GTPBP1: variants seen among roughly 807,000 people sequenced by gnomAD.
GTPBP1 encodes GTP binding protein 1.
Under a neutral mutation model 62.0 loss-of-function variants are expected in GTPBP1, and 23 were observed. The ratio of observed to expected loss-of-function variants is 0.37; its 90% confidence interval spans 0.27 to 0.53. The LOEUF (loss-of-function observed/expected upper bound fraction) is 0.53. Ranked by LOEUF, GTPBP1 falls within the 20% of genes least tolerant of loss-of-function variation. The probability of loss-of-function intolerance (pLI) is 0.89; values close to 1 mark genes in which losing one functional copy is unlikely to be tolerated. For missense variants in GTPBP1, 640 were observed against 917.3 expected (o/e 0.70, Z 3.90); for synonymous variants, 344 against 364.4 (o/e 0.94, Z 0.64).
At chr22:38,739,036 C>A, downstream of GTPBP1, 2 of 1,549,322 alleles carry the variant, frequency 1.3e-6, no homozygotes, top group Non-Finnish European at 1.8e-6. This position sits in a 1 kb window ranked among gnomAD's most constrained non-coding sequence, Gnocchi z 6.7. Context: ...GGGAGGAGGG[C>A]CCCGCTCAGG....
At chr22:38,740,918 CT>C, downstream of GTPBP1, 2 of 1,378,460 alleles carry the variant, frequency 1.5e-6, no homozygotes, top group South Asian at 2.5e-5. This position sits in a 1 kb window ranked among gnomAD's most constrained non-coding sequence, Gnocchi z 4.8. Context: ...TCAGAACTCT[CT>C]GCTCTGCGGC....
intron 2 of GTPBP1, among the ~76,000 whole-genome samples, chr22:38,712,722 C>T (rs866144555): frequency 2.0e-5 from 3 of 151,962 alleles, no homozygotes; most frequent in South Asian, 2.1e-4. Flanking sequence ...GACAAGGTGA[C>T]GTTGGTGATA....
intron 10 of GTPBP1, 94 bp from the exon 11 acceptor site, chr22:38,729,368 G>C: frequency 1.1e-6 from 1 of 879,310 alleles, no homozygotes; most frequent in Admixed American, 3.0e-5. Context: ...GGAATGAGGA[G>C]TCTGTGGGAG....
At chr22:38,739,374 A>G, downstream of GTPBP1, 1 of 1,613,124 alleles carries the variant, frequency 6.2e-7, no homozygotes. This position sits in a 1 kb window ranked among gnomAD's most constrained non-coding sequence, Gnocchi z 6.7. Flanking sequence ...TGCCAGCCCG[A>G]TGCGGTCCTC....
intron 4 of GTPBP1, among the ~76,000 whole-genome samples, chr22:38,721,165 C>T (rs1357539641): frequency 6.6e-6 from 1 of 152,188 alleles, no homozygotes; most frequent in African/African-American, 2.4e-5. Flanking sequence ...CCACAACCTC[C>T]ACCTCCCAGA....
At chr22:38,736,436 A>G, downstream of GTPBP1, 2 of 1,455,724 alleles carry the variant, frequency 1.4e-6, no homozygotes. Context: ...CCTCACTGAC[A>G]GAGAAGGTGG....
downstream of GTPBP1, chr22:38,738,547 C>A: frequency 1.9e-6 from 3 of 1,595,222 alleles, no homozygotes; most frequent in Non-Finnish European, 2.6e-6. This position sits in a 1 kb window ranked among gnomAD's most constrained non-coding sequence, Gnocchi z 6.6. Context: ...ACAGGATCCC[C>A]CTGCAGCCCC....
In GTPBP1 at chr22:38,716,194, G is replaced by A; in HGVS notation, c.485+107G>A. The stretch of plus-strand genomic sequence containing the variant: ...TCCATCCTTTCCCCTCCTGAGGCGG[G>A]GAAAGAGTGTCCAGGTGTCTGGAGA... On this transcript the variant is annotated intron_variant, in intron 3 of 11. Coordinates refer to ENST00000216044, the MANE Select transcript of GTPBP1 (RefSeq NM_004286.5). This position sits in a 1 kb window ranked among gnomAD's most constrained non-coding sequence, Gnocchi z 5.2. 2.2e-6 allele frequency: 2 copies of A among 909,976 alleles called. No individual in the cohort carries two copies. The highest frequency in any genetic ancestry group is 1.7e-6 in the Non-Finnish European group (1 of 580,052). 56.4% of individuals were successfully genotyped at this position (909,976 alleles called of 1,614,324 possible).
Position 38,727,377 on chromosome 22 carries a change from G to A in GTPBP1, c.1537+29G>A, listed in dbSNP as rs950303152. 2 of 1,509,730 alleles carry A rather than the reference G, an allele frequency of 1.3e-6. No individual in the cohort carries two copies. Among genetic ancestry groups the A allele is most frequent in the Non-Finnish European group, 1.8e-6 (2 of 1,125,318 alleles). The allele number at this position is 1,509,730 out of a possible 1,614,324, so 93.5% of individuals were successfully genotyped here. On this transcript the variant is annotated intron_variant, in intron 9 of 11. Transcript: ENST00000216044. The surrounding 1 kb of genome is among the most constrained non-coding windows in gnomAD (Gnocchi z 6.5). The stretch of plus-strand genomic sequence containing the variant: ...GGTGTCTAAGGCCCTGCCAGCCCAG[G>A]AGGCCGTCGTGTTAGCTCCCCTCAG...
At chr22:38,725,686 T>G in intron 6 of GTPBP1, 1 of 296,842 alleles carries the variant, frequency 3.4e-6, no homozygotes, top group African/African-American at 2.1e-5. Context: ...GGTTAAGGAT[T>G]TTAAGCAAGC....
intron 5 of GTPBP1, chr22:38,722,988 A>G: frequency 2.4e-6 from 2 of 837,826 alleles, no homozygotes; most frequent in Admixed American, 1.7e-5. Context: ...ACCTTCTAAC[A>G]GCACACCGTA....
intron 4 of GTPBP1, among the ~76,000 whole-genome samples, chr22:38,720,534 A>G (rs1731677219): frequency 6.6e-6 from 1 of 151,684 alleles, no homozygotes; most frequent in South Asian, 2.1e-4. Flanking sequence ...ATAGCTGAAC[A>G]CTCACCTCTT....
At chr22:38,740,186 G>A (rs528435481), downstream of GTPBP1, 10 of 1,438,140 alleles carry the variant, frequency 7.0e-6, no homozygotes, top group South Asian at 1.5e-5. This position sits in a 1 kb window ranked among gnomAD's most constrained non-coding sequence, Gnocchi z 4.8. Context: ...GGGGCAAGGG[G>A]TGCTGCTTTG....
At position 38,726,246 on chromosome 22, in the gene GTPBP1, TCTC is replaced by T; in HGVS notation, c.1219-9_1219-7del. On this transcript the variant is annotated splice_polypyrimidine_tract_variant and intron_variant, in intron 7 of 11. Transcript: ENST00000216044. This position sits in a 1 kb window ranked among gnomAD's most constrained non-coding sequence, Gnocchi z 4.1. ...GGATGCACTTATGAGGCCAGGGTCTTCTCCTTGGCAGGGTGTGGGGACAGTGGT... is the reference window on the plus strand; with the variant it reads ...GGATGCACTTATGAGGCCAGGGTCTTCTTGGCAGGGTGTGGGGACAGTGGT... 13 of 1,613,596 alleles carry T rather than the reference TCTC, an allele frequency of 8.1e-6. No homozygotes were observed. Among genetic ancestry groups the T allele is most frequent in the Non-Finnish European group, 7.6e-6 (9 of 1,179,746 alleles).
chr22:38,740,973 G>C (rs968901974), downstream of GTPBP1: 36 of 1,573,756 alleles, frequency 2.3e-5, no homozygotes, highest in Non-Finnish European at 3.1e-5. The surrounding 1 kb of genome is among the most constrained non-coding windows in gnomAD (Gnocchi z 4.8). Context: ...GGCTGGGGAG[G>C]AGCAGGCCGA....
intron 1 of GTPBP1, among the ~76,000 whole-genome samples, chr22:38,707,067 C>A (rs569704453): frequency 6.6e-6 from 1 of 152,304 alleles, no homozygotes; most frequent in South Asian, 2.1e-4. Context: ...AGTTCTCCAA[C>A]CACCTCATCT....
chr22:38,705,991 G>T lies in GTPBP1; in HGVS notation c.36G>T (p.Ser12=). 1 of 1,455,042 alleles carries T rather than the reference G, an allele frequency of 6.9e-7. No individual in the cohort carries two copies. The highest frequency in any genetic ancestry group is 9.1e-7 in the Non-Finnish European group (1 of 1,102,684). 90.1% of individuals were successfully genotyped at this position (1,455,042 alleles called of 1,614,324 possible). A position where few individuals can be genotyped will look rare whatever the true frequency, so the allele number is the denominator to read the frequency against. ...AGCGCAGTCGCTCCGCGATGGACTC[G>T]CCGGTCCCGGCCTCTATGTTCGCCC... is the stretch of plus-strand genomic sequence containing the variant. ...ATERSRSAMD[S]PVPASMFAPE... The change falls in exon 1 of 12, where the codon TCG becomes TCT. Residue 12 remains serine (S), a synonymous_variant. Coordinates refer to ENST00000216044, the MANE Select transcript of GTPBP1 (RefSeq NM_004286.5).
intron 1 of GTPBP1, 52 bp downstream of exon 1, chr22:38,706,199 GCAGTCTCCC>G: frequency 8.7e-7 from 1 of 1,147,574 alleles, no homozygotes; most frequent in Non-Finnish European, 1.1e-6. Flanking sequence ...GGCTGGCCGA[GCAGTCTCCC>G]GGGCGACGGC....
At chr22:38,738,659 GGTAAC>G, downstream of GTPBP1, 1 of 1,614,020 alleles carries the variant, frequency 6.2e-7, no homozygotes, top group East Asian at 2.2e-5. The surrounding 1 kb of genome is among the most constrained non-coding windows in gnomAD (Gnocchi z 6.6). Context: ...CATGCTCTAA[GGTAAC>G]GGCTGTGGGG....
Sources: allele counts gnomAD v4.1 joint callset (sites outside exome capture counted in the v4.1 genomes callset), GRCh38; gene constraint gnomAD v4.1.1; non-coding constraint Gnocchi (gnomAD v3.1); transcripts MANE v1.5; gene names NCBI Gene and HGNC (gene_info 2026-07-23, HGNC 2026-07-21).